Variants in ASAP2 observed in about 807,000 individuals in gnomAD.
ASAP2 encodes ArfGAP with SH3 domain, ankyrin repeat and PH domain 2, also known as arf-GAP with SH3 domain, ANK repeat and PH domain-containing protein 2.
ASAP2 carries 45 observed loss-of-function variants against 131.4 expected under a neutral mutation model. That is an observed-to-expected ratio of 0.34 (90% confidence interval 0.27 to 0.44). ASAP2 has a LOEUF of 0.44. ASAP2 is among the 20% of genes least tolerant of loss of function. ASAP2 has a pLI of 1.00. For missense variants in ASAP2, 1,011 were observed against 1,297.0 expected, an observed-to-expected ratio of 0.78 and a Z score of 3.39; for synonymous variants, 510 against 503.0, an observed-to-expected ratio of 1.01 and a Z score of -0.19.
chr2:9,377,641 G>T (rs527518421), intron 18 of ASAP2, among the ~76,000 whole-genome samples: 60 of 152,314 alleles, frequency 3.9e-4, no homozygotes, highest in African/African-American at 1.3e-3. Context: ...CGTGGTTTGA[G>T]CCATGTGTGT....
At chr2:9,284,586 A>C (rs1362267624) in intron 2 of ASAP2, among the ~76,000 whole-genome samples, 3 of 152,194 alleles carry the variant, frequency 2.0e-5, no homozygotes, top group Non-Finnish European at 4.4e-5. Context: ...AATAGGTCAT[A>C]GGATTGCTAG....
intron 16 of ASAP2, 103 bp from the exon 17 acceptor site, chr2:9,374,652 A>G: frequency 8.6e-7 from 1 of 1,156,488 alleles, no homozygotes. Context: ...GGTGCTTACC[A>G]GGGACATGGC....
At chr2:9,332,311 T>C (rs1352026508) in intron 7 of ASAP2, among the ~76,000 whole-genome samples, 1 of 152,100 alleles carries the variant, frequency 6.6e-6, no homozygotes, top group African/African-American at 2.4e-5. Context: ...TTCCTTTTCT[T>C]GAAGCTTCTC....
At chr2:9,287,405 A>G (rs529269882) in intron 2 of ASAP2, among the ~76,000 whole-genome samples, 2 of 152,368 alleles carry the variant, frequency 1.3e-5, no homozygotes, top group South Asian at 4.1e-4. Context: ...TTGTAAGAGC[A>G]GCATTTAAAG....
rs1422173062 is a variant in ASAP2 at position 9,281,149 on chromosome 2, T to TTC, written c.199+1761_199+1762insCT. On this transcript the variant is annotated intron_variant, in intron 2 of 27. Coordinates refer to ENST00000281419, the MANE Select transcript of ASAP2 (RefSeq NM_003887.3). The surrounding 1 kb of genome is among the most constrained non-coding windows in gnomAD (Gnocchi z 4.0). ...AGTATCTTGGAAGATTTTTTTTTTT[T>TTC]TTACTGCGTTCACTTGGACTTTTTG... Among the ~76,000 whole-genome samples the TTC allele has an allele frequency of 6.6e-6, 1 of 152,182 alleles. No homozygotes were observed. Among genetic ancestry groups the TTC allele is most frequent in the Admixed American group, 6.5e-5 (1 of 15,282 alleles).
chr2:9,305,297 C>T (rs927914714), intron 3 of ASAP2, among the ~76,000 whole-genome samples: 5 of 138,808 alleles, frequency 3.6e-5, no homozygotes, highest in African/African-American at 1.4e-4. Flanking sequence ...GGTGTAGAGG[C>T]TGTAGTAGTG....
chr2:9,220,030 A>G (rs1220893659), intron 1 of ASAP2, among the ~76,000 whole-genome samples: 1 of 152,140 alleles, frequency 6.6e-6, no homozygotes, highest in African/African-American at 2.4e-5. Context: ...CATAACATGG[A>G]TTTGTACTTT....
intron 19 of ASAP2, 86 bp downstream of exon 19, chr2:9,379,145 C>T: frequency 1.1e-6 from 1 of 923,290 alleles, no homozygotes. Flanking sequence ...CTCTTGGAAA[C>T]AGGGCCAACC....
chr2:9,258,012 G>A (rs1252087024), intron 1 of ASAP2, among the ~76,000 whole-genome samples: 1 of 152,176 alleles, frequency 6.6e-6, no homozygotes, highest in Non-Finnish European at 1.5e-5. Flanking sequence ...ACTTTTAGAA[G>A]TGCTGTGCAG....
At chr2:9,248,710 A>C (rs764081688) in intron 1 of ASAP2, among the ~76,000 whole-genome samples, 2 of 152,004 alleles carry the variant, frequency 1.3e-5, no homozygotes, top group Non-Finnish European at 2.9e-5. Context: ...TTTCACTCCT[A>C]TCTACCAGCC....
intron 17 of ASAP2, 32 bp from the exon 18 acceptor site, chr2:9,376,876 G>T: frequency 6.3e-7 from 1 of 1,592,868 alleles, no homozygotes; most frequent in Non-Finnish European, 8.6e-7. Context: ...GCTCCCATTA[G>T]AATTCTGGAA....
At chr2:9,228,004 A>C (rs899331578) in intron 1 of ASAP2, among the ~76,000 whole-genome samples, 2 of 152,232 alleles carry the variant, frequency 1.3e-5, no homozygotes, top group Non-Finnish European at 2.9e-5. Context: ...GCTTATTTAT[A>C]ATAACCAGAT....
At chr2:9,378,710 G>C (rs909855546) in intron 18 of ASAP2, among the ~76,000 whole-genome samples, 2 of 152,158 alleles carry the variant, frequency 1.3e-5, no homozygotes, top group Non-Finnish European at 2.9e-5. Flanking sequence ...CTCCCCTTTT[G>C]ACCTCTTCTG....
intron 1 of ASAP2, among the ~76,000 whole-genome samples, chr2:9,251,501 C>G (rs147689470): frequency 1.3e-5 from 2 of 152,120 alleles, no homozygotes; most frequent in East Asian, 1.9e-4. Flanking sequence ...TGATGTCCGT[C>G]GGGTGGGTTT....
chr2:9,356,133 G>C (rs1255056748), intron 13 of ASAP2, 38 bp downstream of exon 13: 1 of 1,614,086 alleles, frequency 6.2e-7, no homozygotes, highest in African/African-American at 1.3e-5. Flanking sequence ...GCTGGACTCA[G>C]CCGTTGTTTG....
At chr2:9,254,250 TATATACACGTGTGTGTGTATGC>T (rs1413329555) in intron 1 of ASAP2, among the ~76,000 whole-genome samples, 2 of 87,746 alleles carry the variant, frequency 2.3e-5, no homozygotes, top group Non-Finnish European at 2.3e-5. Flanking sequence ...TATATATATA[TATATACACGTGTGTGTGTATGC>T]ATATATATAG....
chr2:9,311,449 G>A lies in ASAP2; in HGVS notation c.346-7075G>A, dbSNP rs1222390413. 6.6e-6 allele frequency among the ~76,000 whole-genome samples: 1 copy of A among 152,128 alleles called. No homozygotes were observed. Among genetic ancestry groups the A allele is most frequent in the South Asian group, 2.1e-4 (1 of 4,824 alleles). On this transcript the variant is annotated intron_variant, in intron 3 of 27. Transcript: ENST00000281419. This position sits in a 1 kb window ranked among gnomAD's most constrained non-coding sequence, Gnocchi z 5.2. ...AATAATTTGTATTCAGGTTGCACTCGATGTTTTAAAAAGCCATTTTACATA... is the reference window on the plus strand; with the variant it reads ...AATAATTTGTATTCAGGTTGCACTCAATGTTTTAAAAAGCCATTTTACATA...
At chr2:9,374,575 G>A (rs902969836) in intron 16 of ASAP2, among the ~76,000 whole-genome samples, 180 bp from the exon 17 acceptor site, 1 of 152,192 alleles carries the variant, frequency 6.6e-6, no homozygotes, top group African/African-American at 2.4e-5. Flanking sequence ...CCAGGAGGTC[G>A]CAGTGAAGAC....
chr2:9,214,098 A>G (rs1661804084), intron 1 of ASAP2, among the ~76,000 whole-genome samples: 1 of 152,114 alleles, frequency 6.6e-6, no homozygotes, highest in Non-Finnish European at 1.5e-5. Context: ...CAGCTCCCCA[A>G]ACACTCCTCT....
Sources: gnomAD v4.1 joint callset for allele counts (sites outside exome capture counted in the v4.1 genomes callset) on GRCh38, gnomAD v4.1.1 for gene constraint, Gnocchi (gnomAD v3.1) non-coding constraint, MANE v1.5 for transcripts, NCBI Gene and HGNC (gene_info 2026-07-23, HGNC 2026-07-21) for gene names.